The following HIVEP1 variants were observed in gnomAD, a reference collection of about 807,000 sequenced individuals.
HIVEP1 encodes the protein HIVEP zinc finger 1, also known as zinc finger protein 40.
In HIVEP1, 36 loss-of-function variants were observed where a neutral mutation model predicts 180.0. That is an observed-to-expected ratio of 0.20 (90% CI 0.15 to 0.26). The LOEUF is 0.26. Among genes scored for constraint, HIVEP1 ranks in the 10% least tolerant of loss-of-function variants. The pLI, the probability that HIVEP1 is intolerant of heterozygous loss-of-function variation, is 1.00. For synonymous variants in HIVEP1, 1,239 were observed against 1,239.0 expected (o/e 1.00, Z 0.00); for missense variants, 3,143 against 3,268.7 (o/e 0.96, Z 0.94).
At position 12,121,362 on chromosome 6, in the gene HIVEP1, T is replaced by C. The variant is rs879549638; in HGVS notation, c.1567T>C (p.Ser523Pro). The C allele has an allele frequency of 6.2e-6, 10 of 1,613,970 alleles. No individual in the cohort carries two copies. Among genetic ancestry groups the C allele is most frequent in the African/African-American group, 1.3e-5 (1 of 74,888 alleles). ...LQPVHIIKRM[S>P]NAETLLKSSF... ...GCCTGTGCACATAATAAAGAGGATG[T>C]CAAATGCTGAAACTTTACTAAAATC... The change falls in exon 4 of 9, where the codon TCA (serine) becomes CCA (proline). Residue 523 changes from serine to proline, a missense_variant. This residue lies in a region of HIVEP1 where 365 missense variants were observed against 344.4 expected (regional missense o/e 1.06). Coordinates refer to ENST00000379388, the MANE Select transcript of HIVEP1 (RefSeq NM_002114.4). This position sits in a 1 kb window ranked among gnomAD's most constrained non-coding sequence, Gnocchi z 5.3.
At chr6:12,182,672 C>T in the HIVEP1 span, among the ~76,000 whole-genome samples, 1 of 152,170 alleles carries the variant, frequency 6.6e-6, no homozygotes, top group African/African-American at 2.4e-5. Context: ...CTCTTGGGTT[C>T]TTTGTGACTT....
intron 3 of HIVEP1, among the ~76,000 whole-genome samples, chr6:12,102,825 A>G (rs1036578007): frequency 2.6e-5 from 4 of 152,224 alleles, no homozygotes; most frequent in Admixed American, 1.3e-4. Flanking sequence ...TGAAACTTTT[A>G]GTACAGAAAT....
At chr6:12,136,986 G>A (rs528847898) in intron 7 of HIVEP1, among the ~76,000 whole-genome samples, 1 of 152,294 alleles carries the variant, frequency 6.6e-6, no homozygotes, top group Admixed American at 6.5e-5. Context: ...TTGGTCTAGA[G>A]AAAATTTCCA....
chr6:12,099,577 C>T (rs572478078), intron 3 of HIVEP1, among the ~76,000 whole-genome samples: 3 of 152,042 alleles, frequency 2.0e-5, no homozygotes, highest in Non-Finnish European at 2.9e-5. Context: ...GAAGAAAAAA[C>T]GTGGTAACAT....
chr6:12,186,316 G>A, the HIVEP1 span, among the ~76,000 whole-genome samples: 2 of 150,904 alleles, frequency 1.3e-5, no homozygotes, highest in Non-Finnish European at 3.0e-5. Context: ...TAGAAAAAAT[G>A]CTAAGTGAAA....
At chr6:12,010,707 A>C (rs962247242), upstream of HIVEP1, among the ~76,000 whole-genome samples, 2 of 151,624 alleles carry the variant, frequency 1.3e-5, no homozygotes, top group South Asian at 4.2e-4. Flanking sequence ...GGACCTGTGG[A>C]ATTTCTGTGC....
At chr6:12,026,040 CAAA>C (rs113797667) in intron 2 of HIVEP1, among the ~76,000 whole-genome samples, 2 of 130,272 alleles carry the variant, frequency 1.5e-5, no homozygotes, top group Non-Finnish European at 3.4e-5. Context: ...AACCCCATAT[CAAA>C]AAAAAAAAAA....
chr6:12,209,908 C>A, the HIVEP1 span, among the ~76,000 whole-genome samples: 1 of 152,022 alleles, frequency 6.6e-6, no homozygotes, highest in East Asian at 1.9e-4. Context: ...AGTGATAAAG[C>A]TTGTAGGGAA....
In HIVEP1 at chr6:12,031,508, C is replaced by T. The variant is rs191823121; in HGVS notation, c.40+15840C>T. On this transcript the variant is annotated intron_variant, in intron 2 of 8. Coordinates refer to ENST00000379388, the MANE Select transcript of HIVEP1 (RefSeq NM_002114.4). ...ATTGCCATTGATTTTCTTGAGTTCT[C>T]TTGCTATTGGGATTGCCAGTTTAAC... Among the ~76,000 whole-genome samples the T allele has an allele frequency of 1.2e-3, 188 of 152,308 alleles. 1 individual carries two copies. The highest frequency in any genetic ancestry group is 4.4e-3 in the African/African-American group (181 of 41,544).
chr6:12,067,334 GA>G (rs1302377220), intron 2 of HIVEP1, among the ~76,000 whole-genome samples: 6 of 152,034 alleles, frequency 3.9e-5, no homozygotes, highest in Non-Finnish European at 7.4e-5. Flanking sequence ...TTAATAATTG[GA>G]ATGTTACATA....
chr6:12,184,861 G>A, the HIVEP1 span, among the ~76,000 whole-genome samples: 1 of 152,118 alleles, frequency 6.6e-6, no homozygotes, highest in African/African-American at 2.4e-5. Context: ...TTTCCTAGGA[G>A]AAGTCATTAT....
At chr6:12,038,756 CAAAG>C (rs1218654386) in intron 2 of HIVEP1, 1 of 152,440 alleles carries the variant, frequency 6.6e-6, no homozygotes, top group Non-Finnish European at 1.5e-5. Context: ...ACAACAACAA[CAAAG>C]AATCATTCTC....
At position 12,120,287 on chromosome 6, in the gene HIVEP1, C is replaced by T. The variant is rs1345512207; in HGVS notation, c.492C>T (p.Asp164=). Residue 164 remains aspartate (D), a synonymous_variant, in exon 4 of 9, where the codon GAC becomes GAT. Coordinates refer to ENST00000379388, the MANE Select transcript of HIVEP1 (RefSeq NM_002114.4). ...TCAGTGACCTCGATGAACAATGTGACTCAAGTTCCTTGTCAAGTAAAACCA... is the reference window on the plus strand; with the variant it reads ...TCAGTGACCTCGATGAACAATGTGATTCAAGTTCCTTGTCAAGTAAAACCA... The part of the protein sequence containing the change: ...AKFSDLDEQC[D]SSSLSSKTRT... 3.5e-5 allele frequency: 56 copies of T among 1,614,054 alleles called. No homozygotes were observed. The highest frequency in any genetic ancestry group is 4.6e-5 in the Non-Finnish European group (54 of 1,180,030).
At chr6:12,112,194 AT>A (rs544357737) in intron 3 of HIVEP1, among the ~76,000 whole-genome samples, 4 of 151,202 alleles carry the variant, frequency 2.6e-5, no homozygotes, top group Non-Finnish European at 2.9e-5. Context: ...GGGTTGGACA[AT>A]TTTTTTTTCT....
At chr6:12,141,598 G>T (rs1279803539) in intron 7 of HIVEP1, among the ~76,000 whole-genome samples, 1 of 146,904 alleles carries the variant, frequency 6.8e-6, no homozygotes, top group Non-Finnish European at 1.5e-5. Flanking sequence ...AGACCCATCA[G>T]TGTGCTGTAT....
Position 12,123,359 on chromosome 6 carries a change from G to T in HIVEP1, c.3564G>T (p.Arg1188=), listed in dbSNP as rs1339380779. 1 of 1,614,144 alleles carries T rather than the reference G, an allele frequency of 6.2e-7. No individual in the cohort carries two copies. The change falls in exon 4 of 9, where the codon CGG becomes CGT. Residue 1188 remains arginine (R), a synonymous_variant. Coordinates refer to ENST00000379388, the MANE Select transcript of HIVEP1 (RefSeq NM_002114.4). ...CCCAAGAGGAAAGTCACCCTTCTCG[G>T]GACGGGTCTCATCCTCACCAGCTTG... The part of the protein sequence containing the change: ...GISQEESHPS[R]DGSHPHQLAL...
At chr6:12,184,953 TAC>T in the HIVEP1 span, among the ~76,000 whole-genome samples, 1 of 152,206 alleles carries the variant, frequency 6.6e-6, no homozygotes, top group East Asian at 1.9e-4. Flanking sequence ...CATACATGTG[TAC>T]ACACACACAA....
chr6:12,068,515 T>A (rs1771749638), intron 2 of HIVEP1, among the ~76,000 whole-genome samples: 1 of 152,172 alleles, frequency 6.6e-6, no homozygotes, highest in Non-Finnish European at 1.5e-5. Context: ...TATTCTTAAT[T>A]TGGAAGGAGG....
chr6:12,034,754 G>T (rs1037245638), intron 2 of HIVEP1, among the ~76,000 whole-genome samples: 8 of 152,160 alleles, frequency 5.3e-5, no homozygotes, highest in African/African-American at 1.9e-4. Context: ...TCTTCTCATT[G>T]TGGGTACTTG....
Sources: gnomAD v4.1 joint callset for allele counts (sites outside exome capture counted in the v4.1 genomes callset) on GRCh38, gnomAD v4.1.1 for gene constraint, gnomAD v4.1.1 regional missense constraint, Gnocchi (gnomAD v3.1) non-coding constraint, MANE v1.5 for transcripts, NCBI Gene and HGNC (gene_info 2026-07-23, HGNC 2026-07-21) for gene names.